Variants in SCAPER observed in about 807,000 individuals in gnomAD.
SCAPER encodes the protein S phase cyclin A-associated protein in the endoplasmic reticulum.
Under a neutral mutation model 182.2 loss-of-function variants are expected in SCAPER, and 98 were observed. The ratio of observed to expected loss-of-function variants is 0.54; its 90% confidence interval spans 0.46 to 0.64. The LOEUF is 0.64. Ranked by LOEUF, SCAPER falls within the 30% of genes least tolerant of loss-of-function variation. SCAPER has a pLI of 0.00. For synonymous variants in SCAPER, 605 were observed against 564.6 expected (o/e 1.07, Z -1.01); for missense variants, 1,432 against 1,690.0 (o/e 0.85, Z 2.68).
At chr15:76,426,379 A>C (rs982109317) in intron 26 of SCAPER, among the ~76,000 whole-genome samples, 1 of 152,260 alleles carries the variant, frequency 6.6e-6, no homozygotes, top group African/African-American at 2.4e-5. Context: ...GCAATGAGTG[A>C]GGCTCCATGG....
At chr15:76,490,352 C>T (rs1407357146) in intron 24 of SCAPER, among the ~76,000 whole-genome samples, 3 of 152,176 alleles carry the variant, frequency 2.0e-5, no homozygotes, top group Admixed American at 6.5e-5. Flanking sequence ...GGTGCTATTT[C>T]GTTGTGGTTT....
At chr15:76,860,980 T>C (rs1446143606) in intron 3 of SCAPER, among the ~76,000 whole-genome samples, 1 of 152,040 alleles carries the variant, frequency 6.6e-6, no homozygotes, top group Admixed American at 6.5e-5. Context: ...CTGTACCCCA[T>C]TAAATACCAT....
chr15:76,564,376 A>G (rs1247086723), intron 23 of SCAPER, among the ~76,000 whole-genome samples: 1 of 152,154 alleles, frequency 6.6e-6, no homozygotes, highest in Non-Finnish European at 1.5e-5. Flanking sequence ...ACAACAGTCA[A>G]GCGAAGAGGC....
chr15:76,481,666 T>C (rs936857740), intron 24 of SCAPER, among the ~76,000 whole-genome samples: 1 of 152,216 alleles, frequency 6.6e-6, no homozygotes, highest in Non-Finnish European at 1.5e-5. Flanking sequence ...ATACTTTTCC[T>C]CATCCCAATT....
At chr15:76,477,904 A>G (rs930516316) in intron 24 of SCAPER, among the ~76,000 whole-genome samples, 1 of 152,056 alleles carries the variant, frequency 6.6e-6, no homozygotes, top group South Asian at 2.1e-4. Context: ...GTCATATTTT[A>G]AAAATAACTT....
At chr15:76,765,787 C>T in intron 11 of SCAPER, 149 bp from the exon 12 acceptor site, 1 of 662,378 alleles carries the variant, frequency 1.5e-6, no homozygotes, top group Non-Finnish European at 2.6e-6. Flanking sequence ...CCTACCAGTA[C>T]AATCAAAATA....
intron 23 of SCAPER, among the ~76,000 whole-genome samples, chr15:76,563,465 C>T (rs2046798173): frequency 6.6e-6 from 1 of 152,062 alleles, no homozygotes. Flanking sequence ...CAAGACTGAA[C>T]CAGGAAGACA....
chr15:76,641,296 T>C (rs934663527), intron 21 of SCAPER, among the ~76,000 whole-genome samples: 5 of 152,218 alleles, frequency 3.3e-5, no homozygotes, highest in Non-Finnish European at 7.3e-5. Flanking sequence ...CTGTATACTG[T>C]ACTTCTGCAT....
At chr15:76,898,796 G>T (rs2074575847) in intron 1 of SCAPER, among the ~76,000 whole-genome samples, 1 of 152,120 alleles carries the variant, frequency 6.6e-6, no homozygotes, top group African/African-American at 2.4e-5. Flanking sequence ...ATGCTTATGG[G>T]GTTTCATATT....
intron 20 of SCAPER, among the ~76,000 whole-genome samples, chr15:76,671,052 T>C (rs2056978421): frequency 6.6e-6 from 1 of 152,102 alleles, no homozygotes; most frequent in African/African-American, 2.4e-5. Flanking sequence ...TTAAAATCCT[T>C]ATTAAAGGTT....
chr15:76,426,202 C>T (rs577932046), intron 26 of SCAPER, among the ~76,000 whole-genome samples: 11 of 152,188 alleles, frequency 7.2e-5, no homozygotes, highest in Admixed American at 3.3e-4. Flanking sequence ...CTGTGCCCTG[C>T]CCCCAGAGGT....
chr15:76,486,300 C>A (rs2051645437), intron 24 of SCAPER, among the ~76,000 whole-genome samples: 2 of 152,212 alleles, frequency 1.3e-5, no homozygotes, highest in South Asian at 4.1e-4. Context: ...AGGGCATAGG[C>A]ATGGGCAAAG....
At chr15:76,399,113 T>G (rs948880480) in intron 27 of SCAPER, among the ~76,000 whole-genome samples, 1 of 152,176 alleles carries the variant, frequency 6.6e-6, no homozygotes. Flanking sequence ...AATAGAAAAC[T>G]GTTAACAGTA....
intron 29 of SCAPER, among the ~76,000 whole-genome samples, chr15:76,362,110 T>C (rs2041462237): frequency 6.6e-6 from 1 of 151,960 alleles, no homozygotes; most frequent in Non-Finnish European, 1.5e-5. Flanking sequence ...GTAGCTGGGA[T>C]TACAGGCACC....
intron 17 of SCAPER, among the ~76,000 whole-genome samples, chr15:76,724,195 G>C (rs1222361126): frequency 6.8e-6 from 1 of 146,220 alleles, no homozygotes; most frequent in East Asian, 2.0e-4. Context: ...AGCTTAGTTT[G>C]GCTGGATATG....
chr15:76,667,565 C>G (rs1341947936), intron 20 of SCAPER, among the ~76,000 whole-genome samples: 1 of 134,426 alleles, frequency 7.4e-6, no homozygotes, highest in Non-Finnish European at 1.5e-5. Context: ...GTGGAGGTTG[C>G]AGTGAGCCGA....
chr15:76,849,589 A>G (rs62029230), intron 4 of SCAPER, among the ~76,000 whole-genome samples: 14,141 of 152,198 alleles, frequency 0.093, 817 homozygotes, highest in African/African-American at 0.16. Flanking sequence ...TCTAAAGGCA[A>G]TGGGAGAGGA....
In SCAPER at chr15:76,765,597, G is replaced by T. The variant is rs376364251; in HGVS notation, c.1461C>A (p.Ser487=). Reference sequence around the variant, plus strand: ...CTGCAAGGACATCGTTCCAGTCCATGGACATACCACAGAAAGAAACACTCC... The same window carrying T: ...CTGCAAGGACATCGTTCCAGTCCATTGACATACCACAGAAAGAAACACTCC... ...GSGSVSFCGM[S]MDWNDVLADY... Residue 487 remains serine (S), a synonymous_variant, in exon 12 of 32, where the codon TCC becomes TCA. Coordinates refer to ENST00000563290, the MANE Select transcript of SCAPER (RefSeq NM_020843.4). 6.3e-7 allele frequency: 1 copy of T among 1,589,652 alleles called. No individual in the cohort carries two copies. Among genetic ancestry groups the T allele is most frequent in the Non-Finnish European group, 8.6e-7 (1 of 1,166,900 alleles).
chr15:76,513,472 AAG>A (rs1433290170), intron 23 of SCAPER, among the ~76,000 whole-genome samples: 1 of 152,296 alleles, frequency 6.6e-6, no homozygotes, highest in East Asian at 1.9e-4. Flanking sequence ...TATTAAAACT[AAG>A]AGAGAAAAAA....
Sources: allele counts gnomAD v4.1 joint callset (sites outside exome capture counted in the v4.1 genomes callset), GRCh38; gene constraint gnomAD v4.1.1; transcripts MANE v1.5; gene names NCBI Gene and HGNC (gene_info 2026-07-23, HGNC 2026-07-21).